METTL25: variants seen among roughly 807,000 people sequenced by gnomAD.
METTL25 encodes methyltransferase like 25.
A neutral mutation model predicts 71.6 loss-of-function variants in METTL25; 64 were observed. That is an observed-to-expected ratio of 0.89 (90% CI 0.73 to 1.10). METTL25 has a LOEUF of 1.10. Ranked by LOEUF, METTL25 falls within the 50% of genes least tolerant of loss-of-function variation. The pLI is 0.00. For missense variants in METTL25, 807 were observed against 707.0 expected, an observed-to-expected ratio of 1.14 and a Z score of -1.60; for synonymous variants, 287 against 250.3, an observed-to-expected ratio of 1.15 and a Z score of -1.38.
At chr12:82,383,172 C>G (rs916457220) in intron 1 of METTL25, among the ~76,000 whole-genome samples, 1 of 151,922 alleles carries the variant, frequency 6.6e-6, no homozygotes. Context: ...TCAGGTCTCC[C>G]TAATGCTTTT....
intron 1 of METTL25, among the ~76,000 whole-genome samples, chr12:82,373,469 A>T (rs1883484136): frequency 6.6e-6 from 1 of 152,158 alleles, no homozygotes; most frequent in Non-Finnish European, 1.5e-5. Flanking sequence ...TATGCTAGAA[A>T]TCATTCATAT....
chr12:82,433,743 G>A (rs1259716040), intron 6 of METTL25, among the ~76,000 whole-genome samples: 1 of 151,426 alleles, frequency 6.6e-6, no homozygotes, highest in Non-Finnish European at 1.5e-5. Context: ...CATTTTAAAA[G>A]TGTGTGATTT....
intron 7 of METTL25, among the ~76,000 whole-genome samples, chr12:82,437,838 T>A (rs1890027529): frequency 6.6e-6 from 1 of 151,684 alleles, no homozygotes; most frequent in African/African-American, 2.4e-5. Context: ...CTTACTCATT[T>A]TTTAAAAAAA....
chr12:82,420,453 T>A (rs935212558), intron 5 of METTL25, among the ~76,000 whole-genome samples: 21 of 152,128 alleles, frequency 1.4e-4, no homozygotes, highest in Non-Finnish European at 2.6e-4. Context: ...AGGTGTTGAC[T>A]TATTTCCAAA....
chr12:82,464,048 A>G (rs1421605469), intron 9 of METTL25, among the ~76,000 whole-genome samples: 1 of 151,936 alleles, frequency 6.6e-6, no homozygotes, highest in African/African-American at 2.4e-5. Context: ...ATTTTCTTCT[A>G]GTCTGTAGAT....
intron 1 of METTL25, among the ~76,000 whole-genome samples, chr12:82,375,186 A>G (rs180868811): frequency 3.3e-5 from 5 of 152,310 alleles, no homozygotes; most frequent in Non-Finnish European, 1.5e-5. Flanking sequence ...CTCCAAATTC[A>G]TATGCTAAAT....
Position 82,403,126 on chromosome 12 carries a change from T to A in METTL25, c.1275T>A (p.His425Gln). 2.5e-6 allele frequency: 4 copies of A among 1,610,938 alleles called. No homozygotes were observed. Among genetic ancestry groups the A allele is most frequent in the Non-Finnish European group, 3.4e-6 (4 of 1,178,826 alleles). ...HLLSEEFENQ[H>Q]KERTQEKWGF... is the part of the protein sequence containing the mutation. ...TATCTGAAGAATTTGAAAACCAGCA[T>A]AAAGGTACAAGTTCCCCATGTGTCA... Residue 425 changes from histidine (H) to glutamine (Q), a missense_variant, in exon 5 of 12, where the codon CAT (histidine) becomes CAA (glutamine). Transcript: ENST00000248306.
intron 11 of METTL25, among the ~76,000 whole-genome samples, chr12:82,477,598 A>T (rs1038401239): frequency 7.9e-5 from 12 of 151,812 alleles, no homozygotes; most frequent in Non-Finnish European, 1.8e-4. Context: ...ATTACTATAC[A>T]TAGGCAGTGA....
intron 9 of METTL25, among the ~76,000 whole-genome samples, chr12:82,463,777 T>C (rs753175126): frequency 3.9e-5 from 6 of 151,998 alleles, no homozygotes; most frequent in Non-Finnish European, 8.8e-5. Flanking sequence ...TAGTAGCCAT[T>C]CTAACTGGGG....
At chr12:82,376,479 ATCT>A (rs1883867692) in intron 1 of METTL25, among the ~76,000 whole-genome samples, 1 of 152,230 alleles carries the variant, frequency 6.6e-6, no homozygotes. Context: ...AACTGAAGTA[ATCT>A]TCTATGACAA....
intron 9 of METTL25, among the ~76,000 whole-genome samples, chr12:82,459,696 T>G (rs376892479): frequency 6.6e-6 from 1 of 152,178 alleles, no homozygotes; most frequent in African/African-American, 2.4e-5. Context: ...GGGCTTATTA[T>G]TAGGCTGAAC....
chr12:82,384,601 A>G (rs1884779800), intron 1 of METTL25, among the ~76,000 whole-genome samples: 1 of 150,220 alleles, frequency 6.7e-6, no homozygotes. Context: ...CTGAATTAGA[A>G]AACTACCCTT....
chr12:82,396,513 A>G (rs1886098602), intron 3 of METTL25, among the ~76,000 whole-genome samples: 1 of 152,064 alleles, frequency 6.6e-6, no homozygotes, highest in African/African-American at 2.4e-5. Context: ...AATTAAAGAT[A>G]TGTATAAGAG....
intron 3 of METTL25, among the ~76,000 whole-genome samples, chr12:82,390,558 G>A (rs986956879): frequency 1.8e-4 from 27 of 151,984 alleles, no homozygotes; most frequent in Non-Finnish European, 3.5e-4. Context: ...AAGAAGATCG[G>A]TGGTGGTAAT....
chr12:82,362,444 C>T (rs1454989415), intron 1 of METTL25, among the ~76,000 whole-genome samples: 1 of 152,084 alleles, frequency 6.6e-6, no homozygotes, highest in African/African-American at 2.4e-5. Flanking sequence ...AAAGGTAATT[C>T]AGCTAATATA....
intron 1 of METTL25, among the ~76,000 whole-genome samples, chr12:82,361,146 A>G (rs1205435959): frequency 1.3e-5 from 2 of 152,148 alleles, no homozygotes; most frequent in African/African-American, 2.4e-5. Flanking sequence ...CCATTTTGAC[A>G]GGGTGCTGAT....
At chr12:82,422,349 C>G (rs539597427) in intron 5 of METTL25, among the ~76,000 whole-genome samples, 1,615 of 152,178 alleles carry the variant, frequency 0.011, 22 homozygotes, top group African/African-American at 0.033. Flanking sequence ...ATTCAACAGC[C>G]CTTCATGCTA....
At chr12:82,438,376 A>C (rs1890073253) in intron 7 of METTL25, 1 of 174,234 alleles carries the variant, frequency 5.7e-6, no homozygotes, top group Admixed American at 6.3e-5. Flanking sequence ...CTGACTCTTA[A>C]ATGCTCCAGA....
intron 1 of METTL25, among the ~76,000 whole-genome samples, chr12:82,380,274 A>G (rs904153701): frequency 6.6e-6 from 1 of 152,140 alleles, no homozygotes; most frequent in Non-Finnish European, 1.5e-5. Flanking sequence ...CTCCAGCTCC[A>G]TCCATATCCC....
Sources: gnomAD v4.1 joint callset for allele counts (sites outside exome capture counted in the v4.1 genomes callset) on GRCh38, gnomAD v4.1.1 for gene constraint, MANE v1.5 for transcripts, NCBI Gene and HGNC (gene_info 2026-07-23, HGNC 2026-07-21) for gene names.